BCAT2: variants seen among roughly 807,000 people sequenced by gnomAD.
BCAT2 encodes the protein branched chain amino acid transaminase 2.
BCAT2 carries 44 observed loss-of-function variants against 52.9 expected under a neutral mutation model. The ratio of observed to expected loss-of-function variants is 0.83; its 90% CI spans 0.65 to 1.07. The LOEUF (loss-of-function observed/expected upper bound fraction) is 1.07. Among genes scored for constraint, BCAT2 ranks in the 50% least tolerant of loss-of-function variants. The probability of loss-of-function intolerance (pLI) is 0.00; values close to 1 mark genes in which losing one functional copy is unlikely to be tolerated. For missense variants in BCAT2, 478 were observed against 521.8 expected (o/e 0.92, Z 0.82); for synonymous variants, 215 against 217.1 (o/e 0.99, Z 0.08).
Position 48,810,966 on chromosome 19 carries a change from G to A in BCAT2, c.24+18C>T. The A allele has an allele frequency of 6.2e-7, 1 of 1,607,246 alleles. No homozygotes were observed. Among genetic ancestry groups the A allele is most frequent in the South Asian group, 1.1e-5 (1 of 90,164 alleles). On this transcript the variant is annotated intron_variant, in intron 1 of 10. Transcript: ENST00000316273. ...CCCCGGTTATTTCCCAGACCCCGGC[G>A]CGGGGCTGCGAACCCACCTGCCCCA...
rs777187291 is a variant in BCAT2 at position 48,800,304 on chromosome 19, G to A, written c.301-7C>T. The A allele has an allele frequency of 3.7e-6, 6 of 1,612,542 alleles. No homozygotes were observed. In the African/African-American group the frequency reaches 6.7e-5, roughly 18 times the overall value. On this transcript the variant is annotated splice_region_variant and splice_polypyrimidine_tract_variant and intron_variant, in intron 3 of 10. Coordinates refer to ENST00000316273, the MANE Select transcript of BCAT2 (RefSeq NM_001190.4). ...CCTTCATGCCCTCAAACAGCTGCGG[G>A]GACACGCGGGTGGGGAGGCTCAGAG...
chr19:48,807,711 G>A lies in BCAT2; in HGVS notation c.25-637C>T. 4 of 987,006 alleles carry A rather than the reference G, an allele frequency of 4.1e-6. No individual in the cohort carries two copies. The highest frequency in any genetic ancestry group is 4.8e-6 in the Non-Finnish European group (4 of 830,282). 61.1% of individuals were successfully genotyped at this position (987,006 alleles called of 1,614,324 possible). A position where few individuals can be genotyped will look rare whatever the true frequency, so the allele number is the denominator to read the frequency against. Reference sequence around the variant, plus strand: ...CTCCTCCGCCAGACCCAGGAGTACAGGTGCTTATTCTCTGAAGGTATTCGA... The same window carrying A: ...CTCCTCCGCCAGACCCAGGAGTACAAGTGCTTATTCTCTGAAGGTATTCGA... On this transcript the variant is annotated intron_variant, in intron 1 of 10. Coordinates refer to ENST00000316273, the MANE Select transcript of BCAT2 (RefSeq NM_001190.4). The surrounding 1 kb of genome is among the most constrained non-coding windows in gnomAD (Gnocchi z 4.6).
intron 7 of BCAT2, 51 bp from the exon 8 acceptor site, chr19:48,797,073 G>A (rs752995239): frequency 3.4e-5 from 54 of 1,610,594 alleles, no homozygotes; most frequent in Non-Finnish European, 4.3e-5. Context: ...CCCTAGCACC[G>A]CCGTCTTAAG....
chr19:48,806,729 CAG>C lies in BCAT2; in HGVS notation c.100-14_100-13del, dbSNP rs746334656. On this transcript the variant is annotated splice_polypyrimidine_tract_variant and intron_variant, in intron 2 of 10. Transcript: ENST00000316273. ...TGCAGGTCTGCAGCCTGAGGAAAGA[CAG>C]GGGTATCCTAGAATCTGGCCACAAC... The C allele has an allele frequency of 8.1e-6, 13 of 1,611,354 alleles. No individual in the cohort carries two copies. The East Asian group carries it at 2.7e-4, about 33-fold the overall frequency.
chr19:48,797,872 A>C (rs1426624136), intron 6 of BCAT2, among the ~76,000 whole-genome samples: 1 of 148,404 alleles, frequency 6.7e-6, no homozygotes. Flanking sequence ...GCTAGAGTGC[A>C]GTGGTGCGAT....
chr19:48,804,494 G>C (rs2034721254), intron 3 of BCAT2, among the ~76,000 whole-genome samples: 1 of 152,164 alleles, frequency 6.6e-6, no homozygotes, highest in East Asian at 1.9e-4. Flanking sequence ...CAGTGAGCGA[G>C]ATTGTATCAT....
At chr19:48,797,487 T>G in intron 6 of BCAT2, 154 bp from the exon 7 acceptor site, 1 of 906,838 alleles carries the variant, frequency 1.1e-6, no homozygotes, top group South Asian at 1.7e-5. Flanking sequence ...TGACTTTTCA[T>G]TTGGCATCAG....
Position 48,804,868 on chromosome 19 carries a change from C to T in BCAT2, c.300+1649G>A, listed in dbSNP as rs547768944. ...TCAGCAGGCGGAATCCTGCCCATCACGCTTATGTACTGGCAGGAGTGTCTG... is the reference window on the plus strand; with the variant it reads ...TCAGCAGGCGGAATCCTGCCCATCATGCTTATGTACTGGCAGGAGTGTCTG... On this transcript the variant is annotated intron_variant, in intron 3 of 10. Transcript: ENST00000316273. Among the ~76,000 whole-genome samples, 12 of 152,264 alleles carry T rather than the reference C, an allele frequency of 7.9e-5. No homozygotes were observed. In the East Asian group the frequency reaches 1.3e-3, roughly 17 times the overall value.
At chr19:48,805,761 TGCCATCCCTCCCCCGGCTGTCCGTCTCCC>T (rs2034757508) in intron 3 of BCAT2, among the ~76,000 whole-genome samples, 2 of 41,998 alleles carry the variant, frequency 4.8e-5, no homozygotes, top group African/African-American at 9.6e-5. Context: ...GTCCCTCTCC[TGCCATCCCTCCCCCGGCTGTCCGTCTCCC>T]GCCATCCCTC....
intron 7 of BCAT2, 71 bp from the exon 8 acceptor site, chr19:48,797,093 C>A: frequency 6.2e-7 from 1 of 1,608,526 alleles, no homozygotes. Flanking sequence ...GAGCCACCCC[C>A]TTCCCCCATC....
Position 48,806,630 on chromosome 19 carries a change from C to T in BCAT2, c.187G>A (p.Asp63Asn), listed in dbSNP as rs768560820. ...TTCCATTCCACCATCAGCATGTGGT[C>T]GGTAAATGTCTTCCCAAACACCAGG... ...EPLVFGKTFT[D>N]HMLMVEWNDK... is the part of the protein sequence containing the mutation. Residue 63 changes from aspartate (D) to asparagine (N), a missense_variant, in exon 3 of 11, where the codon GAC becomes AAC. Asp to Asn is a conservative substitution (Grantham distance 23). Coordinates refer to ENST00000316273, the MANE Select transcript of BCAT2 (RefSeq NM_001190.4). The T allele has an allele frequency of 5.1e-5, 83 of 1,614,010 alleles. No individual in the cohort carries two copies. The Admixed American group carries it at 1.3e-3, about 25-fold the overall frequency.
At chr19:48,804,046 C>T (rs936163041) in intron 3 of BCAT2, among the ~76,000 whole-genome samples, 78 of 152,076 alleles carry the variant, frequency 5.1e-4, no homozygotes, top group African/African-American at 6.5e-4. Flanking sequence ...ATCCCAGCTA[C>T]TCAGGAGGCT....
chr19:48,809,864 T>C (rs1269101792), intron 1 of BCAT2, among the ~76,000 whole-genome samples: 12 of 151,754 alleles, frequency 7.9e-5, no homozygotes, highest in Non-Finnish European at 2.9e-5. Flanking sequence ...GTCCCTACCA[T>C]GGTCCAGCAC....
chr19:48,806,656 G>A lies in BCAT2; in HGVS notation c.161C>T (p.Pro54Leu), dbSNP rs1284276272. The change falls in exon 3 of 11, where the codon CCC becomes CTC. Residue 54 changes from proline (P) to leucine (L), a missense_variant. Coordinates refer to ENST00000316273, the MANE Select transcript of BCAT2 (RefSeq NM_001190.4). ...GGTAAATGTCTTCCCAAACACCAGG[G>A]GCTCGCCGGGGCCAGGCTTCTTATG... is the stretch of plus-strand genomic sequence containing the variant. ...KPHKKPGPGEPLVFGKTFTDH... is the reference protein window; with the variant it reads ...KPHKKPGPGELLVFGKTFTDH... 3 of 1,613,952 alleles carry A rather than the reference G, an allele frequency of 1.9e-6. No homozygotes were observed. Among genetic ancestry groups the A allele is most frequent in the Non-Finnish European group, 2.5e-6 (3 of 1,180,052 alleles).
intron 1 of BCAT2, chr19:48,808,366 G>T: frequency 6.6e-6 from 4 of 604,766 alleles, no homozygotes; most frequent in Non-Finnish European, 8.2e-6. Flanking sequence ...GAGGAAGGAT[G>T]AGAAAAAGAA....
rs1033050414 is a variant in BCAT2 at position 48,796,992 on chromosome 19, C to G, written c.869G>C (p.Gly290Ala). 6.2e-7 allele frequency: 1 copy of G among 1,614,192 alleles called. No individual in the cohort carries two copies. Among genetic ancestry groups the G allele is most frequent in the East Asian group, 2.2e-5 (1 of 44,882 alleles). ...VLELVTPPLNGVILPGVVRQS... is the reference protein window; with the variant it reads ...VLELVTPPLNAVILPGVVRQS... ...TCTGACCACTCCAGGCAGGATAACA[C>G]CATTCAGCGGGGGCGTCACCAGCTC... Residue 290 changes from glycine to alanine, a missense_variant, in exon 8 of 11, where the codon GGT (glycine) becomes GCT (alanine). Transcript: ENST00000316273.
At chr19:48,801,936 C>CTT (rs755103793) in intron 3 of BCAT2, among the ~76,000 whole-genome samples, 9 of 142,704 alleles carry the variant, frequency 6.3e-5, no homozygotes, top group Non-Finnish European at 9.2e-5. Context: ...CACGACTGGA[C>CTT]TTTTTTTTTT....
intron 6 of BCAT2, 106 bp from the exon 7 acceptor site, chr19:48,797,439 T>A: frequency 1.4e-6 from 2 of 1,393,030 alleles, no homozygotes; most frequent in South Asian, 1.3e-5. Flanking sequence ...TGCTCACAGC[T>A]CTCACAGGGC....
At position 48,795,384 on chromosome 19, in the gene BCAT2, G is replaced by A. The variant is rs778641490; in HGVS notation, c.*42C>T. On this transcript the variant is annotated 3_prime_UTR_variant, in exon 11 of 11. Transcript: ENST00000316273. ...GTAGGGAGGCGAGTGCTGGCGTGAC[G>A]AGATGCTACGGGTCGGTGGATCTGG... 7.4e-6 allele frequency: 12 copies of A among 1,613,172 alleles called. No homozygotes were observed. Among genetic ancestry groups the A allele is most frequent in the East Asian group, 4.5e-5 (2 of 44,882 alleles).
Sources: allele counts gnomAD v4.1 joint callset (sites outside exome capture counted in the v4.1 genomes callset), GRCh38; gene constraint gnomAD v4.1.1; non-coding constraint Gnocchi (gnomAD v3.1); transcripts MANE v1.5; gene names NCBI Gene and HGNC (gene_info 2026-07-23, HGNC 2026-07-21).